Variants in MOB2 observed in about 807,000 individuals in gnomAD.
The protein encoded by MOB2 is MOB kinase activator 2.
A neutral mutation model predicts 27.4 loss-of-function variants in MOB2; 14 were observed. The observed-to-expected ratio is 0.51, with a 90% confidence interval of 0.34 to 0.80. The LOEUF (loss-of-function observed/expected upper bound fraction) is 0.80, where lower values mean the gene tolerates loss of function less well. MOB2 is among the 30% of genes least tolerant of loss of function. MOB2 has a pLI of 0.01. For missense variants in MOB2, 304 were observed against 354.6 expected, an observed-to-expected ratio of 0.86 and a Z score of 1.15; for synonymous variants, 167 against 151.8, an observed-to-expected ratio of 1.10 and a Z score of -0.74.
chr11:1,475,648 A>G (rs890020289), intron 3 of MOB2, among the ~76,000 whole-genome samples: 1 of 152,222 alleles, frequency 6.6e-6, no homozygotes, highest in Non-Finnish European at 1.5e-5. Context: ...GTCGCATATC[A>G]GGGGGTCCCT....
At chr11:1,483,673 C>T (rs1055585374) in intron 1 of MOB2, among the ~76,000 whole-genome samples, 6 of 152,250 alleles carry the variant, frequency 3.9e-5, no homozygotes, top group Non-Finnish European at 7.3e-5. Context: ...GCCCATCTTA[C>T]ACCAGGCCTA....
intron 3 of MOB2, 139 bp from the exon 4 acceptor site, chr11:1,471,558 G>T: frequency 1.0e-6 from 1 of 990,482 alleles, no homozygotes; most frequent in Non-Finnish European, 1.5e-6. Flanking sequence ...CTCCCTCCCT[G>T]GACATGCACA....
At chr11:1,470,994 C>A (rs1444908763) in intron 4 of MOB2, among the ~76,000 whole-genome samples, 1 of 152,244 alleles carries the variant, frequency 6.6e-6, no homozygotes, top group East Asian at 1.9e-4. Context: ...GCCCAAGTGC[C>A]CACAAGCTGG....
chr11:1,480,590 C>T, intron 2 of MOB2, 104 bp from the exon 3 acceptor site: 1 of 1,533,108 alleles, frequency 6.5e-7, no homozygotes, highest in Middle Eastern at 2.0e-4. Flanking sequence ...TGGGTGAGCT[C>T]TGCCCGTCCA....
intron 1 of MOB2, among the ~76,000 whole-genome samples, chr11:1,485,731 G>A (rs1436154809): frequency 2.6e-5 from 4 of 151,820 alleles, no homozygotes; most frequent in Non-Finnish European, 5.9e-5. Context: ...ACACACGGGT[G>A]CACACTCCCA....
At chr11:1,475,663 G>A (rs1007163135) in intron 3 of MOB2, among the ~76,000 whole-genome samples, 3 of 152,140 alleles carry the variant, frequency 2.0e-5, no homozygotes, top group Non-Finnish European at 4.4e-5. Context: ...GTCCCTTGCT[G>A]GCCTCCTGCA....
intron 1 of MOB2, chr11:1,481,727 C>CAGGG (rs779031116): frequency 9.8e-5 from 4 of 40,666 alleles, no homozygotes; most frequent in African/African-American, 1.9e-4. Flanking sequence ...GGGGCAGGGG[C>CAGGG]AGGGGCAGGG....
At chr11:1,476,957 G>T (rs1847858725) in intron 3 of MOB2, among the ~76,000 whole-genome samples, 1 of 152,076 alleles carries the variant, frequency 6.6e-6, no homozygotes, top group African/African-American at 2.4e-5. Context: ...GTATGGTTTT[G>T]ATTTTTTAAA....
chr11:1,472,689 G>C (rs886829812), intron 3 of MOB2: 1 of 152,574 alleles, frequency 6.6e-6, no homozygotes, highest in African/African-American at 2.4e-5. Flanking sequence ...TCCAAGCATC[G>C]TGCCCTGGGT....
chr11:1,480,462 T>C lies in MOB2; in HGVS notation c.296A>G (p.Asn99Ser), dbSNP rs1167596296. The change falls in exon 3 of 5, where the codon AAC becomes AGC. Residue 99 changes from asparagine to serine, a missense_variant. Coordinates refer to ENST00000329957, the MANE Select transcript of MOB2 (RefSeq NM_001172223.3). The stretch of plus-strand genomic sequence containing the variant: ...CTCGGAGATGGTGCTATACTGCAGG[T>C]TGATGTGGTGGAAAAACGTCGTGGC... ...SNTTTFFHHI[N>S]LQYSTISEFC... 1 of 1,613,722 alleles carries C rather than the reference T, an allele frequency of 6.2e-7. No individual in the cohort carries two copies. The highest frequency in any genetic ancestry group is 8.5e-7 in the Non-Finnish European group (1 of 1,179,830).
chr11:1,482,610 C>G (rs911307755), intron 1 of MOB2, among the ~76,000 whole-genome samples: 1 of 152,250 alleles, frequency 6.6e-6, no homozygotes, highest in African/African-American at 2.4e-5. Context: ...CAGGCTGGGC[C>G]TCCCCGAGCT....
chr11:1,485,014 C>T (rs912246054), intron 1 of MOB2, among the ~76,000 whole-genome samples: 3 of 152,212 alleles, frequency 2.0e-5, no homozygotes, highest in African/African-American at 4.8e-5. Context: ...AAGGAACGCC[C>T]GCAGACATCC....
rs1338110000 is a variant in MOB2 at position 1,470,069 on chromosome 11, C to T, written c.*103G>A. The T allele has an allele frequency of 3.2e-6, 5 of 1,540,276 alleles. No individual in the cohort carries two copies. The highest frequency in any genetic ancestry group is 1.2e-5 in the South Asian group (1 of 83,774). ...AGTGCAGCCCGGGGCCCTCTCAGAC[C>T]TCACCACACGCGTGCCCAGCACATG... is the stretch of plus-strand genomic sequence containing the variant. On this transcript the variant is annotated 3_prime_UTR_variant, in exon 5 of 5. Transcript: ENST00000329957.
chr11:1,481,011 T>A (rs1847907281), intron 1 of MOB2, 126 bp from the exon 2 acceptor site: 3 of 1,190,172 alleles, frequency 2.5e-6, no homozygotes, highest in Admixed American at 4.5e-5. Flanking sequence ...CGACACTGCC[T>A]CCCTGCCAGG....
In MOB2 at chr11:1,471,380, C is replaced by T. The variant is rs753992147; in HGVS notation, c.405G>A (p.Lys135=). Residue 135 remains lysine (K), a synonymous_variant, in exon 4 of 5, where the codon AAG becomes AAA. Coordinates refer to ENST00000329957, the MANE Select transcript of MOB2 (RefSeq NM_001172223.3). ...AGTCAACGTACTGTGGGGCCGTGCA[C>T]TTGACCTTCTTCCCCCGCTCGTCAT... ...YWYDERGKKV[K]CTAPQYVDFV... The T allele has an allele frequency of 1.9e-6, 3 of 1,613,570 alleles. No individual in the cohort carries two copies. The highest frequency in any genetic ancestry group is 2.2e-5 in the South Asian group (2 of 91,082).
chr11:1,471,324 G>A lies in MOB2; in HGVS notation c.461C>T (p.Thr154Met), dbSNP rs763547046. Residue 154 changes from threonine to methionine, a missense_variant, in exon 4 of 5, where the codon ACG becomes ATG. Thr to Met is a moderately conservative substitution (Grantham distance 81, BLOSUM62 -1). Coordinates refer to ENST00000329957, the MANE Select transcript of MOB2 (RefSeq NM_001172223.3). Reference protein sequence around the residue: ...FVMSSVQKLVTDEDVFPTKYG... With the variant: ...FVMSSVQKLVMDEDVFPTKYG... ...TTTTGTGGGGAACACGTCCTCATCC[G>A]TCACCAGCTTCTGCACGGAGCTCAT... 110 of 1,613,288 alleles carry A rather than the reference G, an allele frequency of 6.8e-5. No individual in the cohort carries two copies. Among genetic ancestry groups the A allele is most frequent in the Non-Finnish European group, 8.9e-5 (105 of 1,179,776 alleles).
At chr11:1,480,343 C>G (rs1490975920) in intron 3 of MOB2, 50 bp downstream of exon 3, 2 of 1,550,658 alleles carry the variant, frequency 1.3e-6, no homozygotes, top group Admixed American at 3.4e-5. Context: ...GGGCTCAGAG[C>G]CCCACCGAGT....
intron 1 of MOB2, among the ~76,000 whole-genome samples, chr11:1,482,287 G>A (rs1268085316): frequency 6.6e-6 from 1 of 152,240 alleles, no homozygotes; most frequent in African/African-American, 2.4e-5. Context: ...GTCACGCAGG[G>A]CTGCCAGCAG....
intron 1 of MOB2, among the ~76,000 whole-genome samples, chr11:1,486,195 G>A (rs752188824): frequency 1.5e-4 from 23 of 152,254 alleles, no homozygotes; most frequent in Admixed American, 1.1e-3. Context: ...AAGTGCAGGC[G>A]GCTAAGGAAA....
Sources: allele counts gnomAD v4.1 joint callset (sites outside exome capture counted in the v4.1 genomes callset), GRCh38; gene constraint gnomAD v4.1.1; transcripts MANE v1.5; gene names NCBI Gene and HGNC (gene_info 2026-07-23, HGNC 2026-07-21).